PACRG: variants seen among roughly 807,000 people sequenced by gnomAD.
PACRG encodes the protein parkin coregulated gene protein.
A neutral mutation model predicts 29.7 loss-of-function variants in PACRG; 29 were observed. The ratio of observed to expected loss-of-function variants is 0.98; its 90% confidence interval spans 0.73 to 1.33. PACRG has a LOEUF of 1.33. Ranked by LOEUF, PACRG falls within the 40% of genes most tolerant of loss-of-function variation. The pLI, the probability that PACRG is intolerant of heterozygous loss-of-function variation, is 0.00. For synonymous variants in PACRG, 116 were observed against 118.7 expected (o/e 0.98, Z 0.15); for missense variants, 279 against 316.2 (o/e 0.88, Z 0.89).
intron 4 of PACRG, among the ~76,000 whole-genome samples, chr6:163,176,925 A>C (rs921190260): frequency 2.0e-5 from 3 of 152,228 alleles, no homozygotes; most frequent in Non-Finnish European, 4.4e-5. Flanking sequence ...CTGTCGTTGA[A>C]TACTGACAAA....
At chr6:163,134,745 C>T (rs954445642) in intron 4 of PACRG, among the ~76,000 whole-genome samples, 8 of 152,288 alleles carry the variant, frequency 5.3e-5, no homozygotes, top group African/African-American at 1.9e-4. Context: ...CTAACAACTA[C>T]TACTACTAAT....
chr6:163,099,826 G>A (rs771861197), intron 4 of PACRG, among the ~76,000 whole-genome samples: 1 of 152,164 alleles, frequency 6.6e-6, no homozygotes, highest in Non-Finnish European at 1.5e-5. Context: ...CCCCTCGCAG[G>A]GGTGGGTAGT....
At chr6:163,215,736 G>C (rs1781335229) in intron 4 of PACRG, among the ~76,000 whole-genome samples, 1 of 152,106 alleles carries the variant, frequency 6.6e-6, no homozygotes. Context: ...GTGGAACCCT[G>C]GAAACCCCAA....
chr6:163,187,084 C>T (rs1779975508), intron 4 of PACRG, among the ~76,000 whole-genome samples: 1 of 152,256 alleles, frequency 6.6e-6, no homozygotes, highest in Non-Finnish European at 1.5e-5. Flanking sequence ...GTTTCCCTTC[C>T]CTATCAGTGG....
intron 2 of PACRG, among the ~76,000 whole-genome samples, chr6:162,984,744 A>T (rs1035946866): frequency 2.0e-5 from 3 of 151,460 alleles, no homozygotes; most frequent in Non-Finnish European, 4.4e-5. Flanking sequence ...TTTGATTTGC[A>T]TTTCCACAAT....
chr6:162,896,006 T>C (rs1371450119), intron 2 of PACRG, among the ~76,000 whole-genome samples: 2 of 152,218 alleles, frequency 1.3e-5, no homozygotes, highest in East Asian at 3.8e-4. Context: ...CTACAGAGTG[T>C]ATTAAAAAAA....
chr6:162,947,484 CATAT>C (rs1339686815), intron 2 of PACRG, among the ~76,000 whole-genome samples: 1 of 112,984 alleles, frequency 8.9e-6, no homozygotes, highest in Non-Finnish European at 1.8e-5. Flanking sequence ...TATATATAAT[CATAT>C]ATATACTCAT....
intron 2 of PACRG, among the ~76,000 whole-genome samples, chr6:162,850,409 A>T (rs1156591424): frequency 6.6e-6 from 1 of 152,244 alleles, no homozygotes; most frequent in Non-Finnish European, 1.5e-5. Context: ...AAATCAACAG[A>T]TGGCAGAGGT....
chr6:163,275,550 T>TA (rs1783995025), intron 4 of PACRG, among the ~76,000 whole-genome samples: 1 of 152,248 alleles, frequency 6.6e-6, no homozygotes, highest in South Asian at 2.1e-4. Context: ...AGAACAGTCT[T>TA]ACTGGATCTA....
chr6:162,839,941 C>A (rs1263363673), intron 2 of PACRG, among the ~76,000 whole-genome samples: 1 of 130,908 alleles, frequency 7.6e-6, no homozygotes, highest in East Asian at 2.3e-4. Context: ...CTGTTCTGTT[C>A]CATTGATCTA....
intron 2 of PACRG, among the ~76,000 whole-genome samples, chr6:162,934,712 A>T (rs958096104): frequency 3.3e-5 from 5 of 151,982 alleles, no homozygotes; most frequent in Non-Finnish European, 5.9e-5. Flanking sequence ...CTGTAGTGTT[A>T]ATGTTTGGCT....
intron 4 of PACRG, among the ~76,000 whole-genome samples, chr6:163,306,607 A>G (rs187978676): frequency 1.3e-5 from 2 of 152,374 alleles, no homozygotes; most frequent in East Asian, 3.9e-4. Context: ...CATTTGATGT[A>G]GGGTGTCAAC....
At chr6:162,900,500 C>T (rs575957782) in intron 2 of PACRG, among the ~76,000 whole-genome samples, 2 of 152,278 alleles carry the variant, frequency 1.3e-5, no homozygotes, top group South Asian at 4.1e-4. Context: ...ACAATCTTAC[C>T]ACCTGCAGGA....
intron 2 of PACRG, among the ~76,000 whole-genome samples, chr6:162,989,417 C>T (rs902411980): frequency 9.2e-5 from 14 of 152,164 alleles, no homozygotes; most frequent in Non-Finnish European, 1.2e-4. Flanking sequence ...GGACCCCTTT[C>T]AGATGCCAAA....
At chr6:163,223,574 C>A (rs1028950713) in intron 4 of PACRG, among the ~76,000 whole-genome samples, 1 of 152,100 alleles carries the variant, frequency 6.6e-6, no homozygotes. Context: ...TGTTAGACGA[C>A]TCGACTGTAA....
intron 2 of PACRG, among the ~76,000 whole-genome samples, chr6:162,847,917 G>A (rs554960066): frequency 9.9e-5 from 15 of 152,234 alleles, no homozygotes; most frequent in African/African-American, 3.4e-4. Flanking sequence ...AGGAGGAAGA[G>A]GCCTGAGCAG....
intron 4 of PACRG, among the ~76,000 whole-genome samples, chr6:163,262,867 C>CGA (rs1491403147): frequency 1.8e-4 from 19 of 102,772 alleles, no homozygotes; most frequent in African/African-American, 1.0e-3. Flanking sequence ...CATAGTGAGA[C>CGA]CCCCCCCCCC....
At chr6:163,230,910 C>A (rs1782017195) in intron 4 of PACRG, among the ~76,000 whole-genome samples, 1 of 152,310 alleles carries the variant, frequency 6.6e-6, no homozygotes, top group African/African-American at 2.4e-5. Flanking sequence ...GGTAAGGTGT[C>A]CCTGCCAGTA....
rs552114957 is a variant in PACRG at position 163,179,798 on chromosome 6, T to C, written c.613+90390T>C. Among the ~76,000 whole-genome samples, 68 of 152,294 alleles carry C rather than the reference T, an allele frequency of 4.5e-4. No homozygotes were observed. In the South Asian group the frequency reaches 0.013, roughly 29 times the overall value. The stretch of plus-strand genomic sequence containing the variant: ...ACTCTGTAAGCCTTTATAAGTGTTA[T>C]GGTGGGATCCAAGTATAAGCTCTGA... On this transcript the variant is annotated intron_variant, in intron 4 of 4. Coordinates refer to ENST00000366888, the MANE Select transcript of PACRG (RefSeq NM_001080379.2).
Sources: allele counts gnomAD v4.1 joint callset (sites outside exome capture counted in the v4.1 genomes callset), GRCh38; gene constraint gnomAD v4.1.1; transcripts MANE v1.5; gene names NCBI Gene and HGNC (gene_info 2026-07-23, HGNC 2026-07-21).